Variants in HECW1 observed in about 807,000 individuals in gnomAD.
The protein encoded by HECW1 is E3 ubiquitin-protein ligase HECW1.
Under a neutral mutation model 182.3 loss-of-function variants are expected in HECW1, and 61 were observed. That is an observed-to-expected ratio of 0.33 (90% CI 0.27 to 0.41). The LOEUF is 0.41. Ranked by LOEUF, HECW1 falls within the 10% of genes least tolerant of loss-of-function variation. The probability of loss-of-function intolerance (pLI) is 1.00; values close to 1 mark genes in which losing one functional copy is unlikely to be tolerated. For missense variants in HECW1, 1,739 were observed against 2,108.9 expected, an observed-to-expected ratio of 0.82 and a Z score of 3.44; for synonymous variants, 859 against 832.6, an observed-to-expected ratio of 1.03 and a Z score of -0.55.
chr7:43,124,108 T>G (rs4724177), intron 2 of HECW1, among the ~76,000 whole-genome samples: 43,945 of 152,054 alleles, frequency 0.29, 6,496 homozygotes, highest in Admixed American at 0.35. Context: ...CCGTCCTTTT[T>G]CAAGTGTTCA....
chr7:43,294,398 T>C (rs1158661543), intron 3 of HECW1, among the ~76,000 whole-genome samples: 3 of 151,112 alleles, frequency 2.0e-5, no homozygotes, highest in Non-Finnish European at 4.4e-5. Flanking sequence ...AGAGGGAGGG[T>C]GTTTCTAAGA....
chr7:43,504,216 C>T (rs1365195225), intron 21 of HECW1, among the ~76,000 whole-genome samples: 1 of 152,204 alleles, frequency 6.6e-6, no homozygotes, highest in Non-Finnish European at 1.5e-5. Context: ...CCTGGCTTCC[C>T]AGTCTCTAGA....
At chr7:43,545,897 C>A (rs1028504921) in intron 26 of HECW1, among the ~76,000 whole-genome samples, 1 of 151,856 alleles carries the variant, frequency 6.6e-6, no homozygotes, top group African/African-American at 2.4e-5. Context: ...TAATTTCTGT[C>A]GTTTTTGCTT....
chr7:43,498,966 G>A (rs1211128162), intron 19 of HECW1, among the ~76,000 whole-genome samples: 2 of 152,078 alleles, frequency 1.3e-5, no homozygotes, highest in Admixed American at 1.3e-4. Flanking sequence ...GCAGTATTTT[G>A]GAAAATAGAT....
chr7:43,446,749 A>G (rs2077069038), intron 11 of HECW1, among the ~76,000 whole-genome samples: 1 of 152,354 alleles, frequency 6.6e-6, no homozygotes, highest in African/African-American at 2.4e-5. Context: ...GAGAAACGCA[A>G]GGAAATTGGT....
At chr7:43,466,952 T>C (rs904061017) in intron 15 of HECW1, among the ~76,000 whole-genome samples, 2 of 152,226 alleles carry the variant, frequency 1.3e-5, no homozygotes, top group African/African-American at 2.4e-5. Context: ...TTCTTCTAGG[T>C]AAATAACTAG....
intron 3 of HECW1, among the ~76,000 whole-genome samples, chr7:43,267,697 A>G (rs1376291778): frequency 6.6e-6 from 1 of 152,120 alleles, no homozygotes; most frequent in Non-Finnish European, 1.5e-5. Context: ...TGGCATAGCT[A>G]ATTAAGAGAA....
At chr7:43,190,847 C>T (rs573941852) in intron 2 of HECW1, among the ~76,000 whole-genome samples, 1 of 152,278 alleles carries the variant, frequency 6.6e-6, no homozygotes, top group South Asian at 2.1e-4. Context: ...TGATTTAGAC[C>T]CAGTCTTGTT....
At chr7:43,121,526 T>C (rs1282923104) in intron 2 of HECW1, among the ~76,000 whole-genome samples, 1 of 152,216 alleles carries the variant, frequency 6.6e-6, no homozygotes, top group Non-Finnish European at 1.5e-5. Context: ...TGTGTAAACA[T>C]ACAGTGATAT....
chr7:43,273,945 G>A (rs528783715), intron 3 of HECW1, among the ~76,000 whole-genome samples: 14 of 151,248 alleles, frequency 9.3e-5, no homozygotes, highest in African/African-American at 2.9e-4. Flanking sequence ...TCCACCTCCC[G>A]GGTTCAAGCG....
chr7:43,551,883 C>T (rs1056742298), intron 27 of HECW1, among the ~76,000 whole-genome samples: 1 of 152,036 alleles, frequency 6.6e-6, no homozygotes, highest in East Asian at 1.9e-4. Flanking sequence ...ATAGATGGTA[C>T]CTTCTCCCTG....
intron 2 of HECW1, among the ~76,000 whole-genome samples, chr7:43,116,488 T>G (rs989930617): frequency 4.6e-5 from 7 of 152,210 alleles, no homozygotes; most frequent in African/African-American, 1.7e-4. Context: ...TGAACCACTG[T>G]AAGTGCTTCT....
chr7:43,445,461 G>T lies in HECW1; in HGVS notation c.2289G>T (p.Thr763=). The T allele has an allele frequency of 6.2e-7, 1 of 1,612,968 alleles. No homozygotes were observed. Among genetic ancestry groups the T allele is most frequent in the Non-Finnish European group, 8.5e-7 (1 of 1,179,846 alleles). Residue 763 remains threonine (T), a synonymous_variant, in exon 11 of 30, where the codon ACG becomes ACT. Transcript: ENST00000395891. ...MQSPELDPES[T]NGAGPWQDEL... ...GCCCTGAGCTGGACCCGGAGTCCAC[G>T]AACGGCGCTGGGCCGTGGCAAGACG...
intron 5 of HECW1, among the ~76,000 whole-genome samples, chr7:43,322,326 C>T (rs1365998968): frequency 1.3e-5 from 2 of 152,226 alleles, no homozygotes; most frequent in Non-Finnish European, 2.9e-5. Flanking sequence ...TCCCAAAGTG[C>T]TGGGATTACA....
At chr7:43,272,971 A>G (rs1802596360) in intron 3 of HECW1, among the ~76,000 whole-genome samples, 1 of 152,226 alleles carries the variant, frequency 6.6e-6, no homozygotes. Context: ...CATATACACC[A>G]TGGAATACTA....
At chr7:43,443,079 A>G (rs973403366) in intron 10 of HECW1, among the ~76,000 whole-genome samples, 1 of 152,268 alleles carries the variant, frequency 6.6e-6, no homozygotes, top group Non-Finnish European at 1.5e-5. Flanking sequence ...AATATCACAG[A>G]AAAACAAGAA....
chr7:43,339,795 G>A (rs1016568614), intron 5 of HECW1, among the ~76,000 whole-genome samples: 4 of 152,084 alleles, frequency 2.6e-5, no homozygotes, highest in Non-Finnish European at 4.4e-5. Context: ...TCTCCCTCTG[G>A]CTATCCCATG....
chr7:43,307,899 C>CATATAT (rs1311991541), intron 3 of HECW1, among the ~76,000 whole-genome samples: 3 of 124,308 alleles, frequency 2.4e-5, no homozygotes, highest in Non-Finnish European at 4.8e-5. Flanking sequence ...TATATATACA[C>CATATAT]ATATATATAT....
intron 2 of HECW1, among the ~76,000 whole-genome samples, chr7:43,144,580 A>G (rs1788499717): frequency 6.6e-6 from 1 of 152,216 alleles, no homozygotes; most frequent in Non-Finnish European, 1.5e-5. Flanking sequence ...TTATAATCCA[A>G]TAATACATTA....
Sources: gnomAD v4.1 joint callset for allele counts (sites outside exome capture counted in the v4.1 genomes callset) on GRCh38, gnomAD v4.1.1 for gene constraint, MANE v1.5 for transcripts, NCBI Gene and HGNC (gene_info 2026-07-23, HGNC 2026-07-21) for gene names.